The following GPN3 variants were observed in gnomAD, a reference collection of about 807,000 sequenced individuals.
The protein encoded by GPN3 is GPN-loop GTPase 3, also known as ATP-binding domain 1 family member C.
Under a neutral mutation model 38.7 loss-of-function variants are expected in GPN3, and 31 were observed. That is an observed-to-expected ratio of 0.80 (90% CI 0.60 to 1.08). The LOEUF (loss-of-function observed/expected upper bound fraction) is 1.08. Among genes scored for constraint, GPN3 ranks in the 50% least tolerant of loss-of-function variants. The pLI is 0.00. For missense variants in GPN3, 301 were observed against 354.4 expected, an observed-to-expected ratio of 0.85 and a Z score of 1.21; for synonymous variants, 116 against 120.2, an observed-to-expected ratio of 0.96 and a Z score of 0.23.
At chr12:110,455,357 ATC>A (rs2135514270) in intron 6 of GPN3, among the ~76,000 whole-genome samples, 1 of 151,996 alleles carries the variant, frequency 6.6e-6, no homozygotes, top group East Asian at 1.9e-4. Flanking sequence ...TGAACTCCTG[ATC>A]TCAAATGATC....
intron 2 of GPN3, chr12:110,460,865 G>A (rs1363491974): frequency 6.3e-6 from 4 of 632,030 alleles, no homozygotes; most frequent in African/African-American, 1.8e-5. Flanking sequence ...TCCGGAGGCT[G>A]AGGCAGGAGA....
chr12:110,457,519 C>T lies in GPN3; in HGVS notation c.441G>A (p.Glu147=). 1 of 1,453,804 alleles carries T rather than the reference C, an allele frequency of 6.9e-7. No homozygotes were observed. Among genetic ancestry groups the T allele is most frequent in the Non-Finnish European group, 9.4e-7 (1 of 1,059,634 alleles). The allele number at this position is 1,453,804 out of a possible 1,614,324, so 90.1% of individuals were successfully genotyped here. A position where few individuals can be genotyped will look rare whatever the true frequency, so the allele number is the denominator to read the frequency against. Residue 147 remains glutamate, a synonymous_variant, in exon 4 of 8, where the codon GAG becomes GAA. Coordinates refer to ENST00000228827, the MANE Select transcript of GPN3 (RefSeq NM_016301.4). ...AGATTTAGCTTCAGACCTTGAATGA[C>T]TCCACCATGAACTGAGAATCAACAA... The part of the protein sequence containing the change: ...VFLVDSQFMV[E]SFKFISGILA...
rs1181189783 is a variant in GPN3, at chr12:110,458,509, T to C, written c.326-875A>G. ...GAAAATTCACAATTTGGGCTGGAGG[T>C]GGTGGCTCACACCAGTAATCCCAGC... On this transcript the variant is annotated intron_variant, in intron 3 of 7. Coordinates refer to ENST00000228827, the MANE Select transcript of GPN3 (RefSeq NM_016301.4). The surrounding 1 kb of genome is among the most constrained non-coding windows in gnomAD (Gnocchi z 4.4). Among the ~76,000 whole-genome samples the C allele has an allele frequency of 6.6e-6, 1 of 151,422 alleles. No individual in the cohort carries two copies. Among genetic ancestry groups the C allele is most frequent in the Non-Finnish European group, 1.5e-5 (1 of 67,844 alleles).
Position 110,458,128 on chromosome 12 carries a change from A to AG in GPN3, c.326-495_326-494insC, listed in dbSNP as rs900229544. 1.3e-5 allele frequency among the ~76,000 whole-genome samples: 2 copies of AG among 152,008 alleles called. No individual in the cohort carries two copies. The highest frequency in any genetic ancestry group is 2.4e-5 in the African/African-American group (1 of 41,364). On this transcript the variant is annotated intron_variant, in intron 3 of 7. Transcript: ENST00000228827. The surrounding 1 kb of genome is among the most constrained non-coding windows in gnomAD (Gnocchi z 4.4). ...AAGACTCTGTCTTTAAAAATAAAAA[A>AG]AAAGAAAGAAAGAAAGAAAATGAGG...
intron 1 of GPN3, among the ~76,000 whole-genome samples, chr12:110,467,442 G>A (rs2062640623): frequency 6.6e-6 from 1 of 152,046 alleles, no homozygotes; most frequent in Non-Finnish European, 1.5e-5. Flanking sequence ...CGTGAAATTA[G>A]ACATAAAATT....
intron 1 of GPN3, among the ~76,000 whole-genome samples, chr12:110,467,014 A>T (rs1303887888): frequency 1.2e-4 from 18 of 149,958 alleles, no homozygotes; most frequent in Non-Finnish European, 1.9e-4. Context: ...TTTTTTTGCG[A>T]CAGTACCTCT....
chr12:110,457,293 A>G (rs1047572765), intron 4 of GPN3, among the ~76,000 whole-genome samples: 1 of 151,518 alleles, frequency 6.6e-6, no homozygotes, highest in Non-Finnish European at 1.5e-5. Flanking sequence ...TCTCTACTAA[A>G]AATACAAAAA....
chr12:110,467,557 C>A (rs907928691), intron 1 of GPN3, among the ~76,000 whole-genome samples: 28 of 152,190 alleles, frequency 1.8e-4, no homozygotes, highest in African/African-American at 6.5e-4. Flanking sequence ...TAAAGAAGTG[C>A]TGAAGATACA....
chr12:110,468,356 A>C, upstream of GPN3: 2 of 1,531,068 alleles, frequency 1.3e-6, no homozygotes, highest in South Asian at 1.2e-5. Flanking sequence ...CCGCGGGCCA[A>C]ATCCCGTGAG....
At chr12:110,467,676 C>T (rs2062643663) in intron 1 of GPN3, among the ~76,000 whole-genome samples, 1 of 146,858 alleles carries the variant, frequency 6.8e-6, no homozygotes, top group African/African-American at 2.7e-5. Context: ...AATGTGGGGT[C>T]CATGTACCAC....
chr12:110,468,671 G>C, upstream of GPN3: 1 of 1,536,338 alleles, frequency 6.5e-7, no homozygotes, highest in Non-Finnish European at 8.7e-7. Flanking sequence ...TGCTTCCACA[G>C]AGAGGTGCAA....
Position 110,452,945 on chromosome 12 carries a change from G to A in GPN3, c.*89C>T. ...GTTTTACTTTTTTTCATTAAAATAA[G>A]TAGCTTTCTACTATTGCATCCTTTG... On this transcript the variant is annotated 3_prime_UTR_variant, in exon 8 of 8. Coordinates refer to ENST00000228827, the MANE Select transcript of GPN3 (RefSeq NM_016301.4). The A allele has an allele frequency of 1.3e-6, 1 of 758,884 alleles. No individual in the cohort carries two copies. Among genetic ancestry groups the A allele is most frequent in the Non-Finnish European group, 2.4e-6 (1 of 411,284 alleles). The allele number at this position is 758,884 out of a possible 1,614,324, so 47.0% of individuals were successfully genotyped here. A position where few individuals can be genotyped will look rare whatever the true frequency, so the allele number is the denominator to read the frequency against.
chr12:110,459,232 T>C (rs2062570121), intron 3 of GPN3, among the ~76,000 whole-genome samples: 2 of 145,296 alleles, frequency 1.4e-5, no homozygotes, highest in African/African-American at 2.7e-5. Flanking sequence ...ATAGATATAC[T>C]TTTTTTTGTT....
intron 1 of GPN3, 138 bp downstream of exon 1, chr12:110,468,018 G>T: frequency 8.4e-7 from 1 of 1,186,762 alleles, no homozygotes; most frequent in Non-Finnish European, 1.3e-6. Flanking sequence ...AAAAGAACGT[G>T]AAGCCAGACA....
chr12:110,468,408 T>C (rs2062653073), upstream of GPN3: 11 of 1,531,780 alleles, frequency 7.2e-6, no homozygotes, highest in Non-Finnish European at 9.6e-6. Context: ...AGGGAGAGGA[T>C]TTGCGCGTGC....
In GPN3 at chr12:110,458,109, C is replaced by T. The variant is rs1331243355; in HGVS notation, c.326-475G>A. 6.6e-6 allele frequency among the ~76,000 whole-genome samples: 1 copy of T among 151,864 alleles called. No homozygotes were observed. The highest frequency in any genetic ancestry group is 1.5e-5 in the Non-Finnish European group (1 of 67,978). On this transcript the variant is annotated intron_variant, in intron 3 of 7. Transcript: ENST00000228827. The surrounding 1 kb of genome is among the most constrained non-coding windows in gnomAD (Gnocchi z 4.4). ...CCAGCCTGGGCGACAGAGTAAGACTCTGTCTTTAAAAATAAAAAAAAAGAA... is the reference window on the plus strand; with the variant it reads ...CCAGCCTGGGCGACAGAGTAAGACTTTGTCTTTAAAAATAAAAAAAAAGAA...
chr12:110,468,237 A>T lies in GPN3; in HGVS notation c.-34T>A, dbSNP rs759723339. 3.1e-6 allele frequency: 5 copies of T among 1,606,780 alleles called. No homozygotes were observed. The South Asian group carries it at 4.4e-5, about 14-fold the overall frequency. ...CCGGAGCCGCCCGCCACACTCCCTT[A>T]GCCTTCGCGCGACGCCCACTGAGCT... On this transcript the variant is annotated 5_prime_UTR_variant, in exon 1 of 8. Transcript: ENST00000228827.
At chr12:110,464,278 C>T (rs1300334082) in intron 2 of GPN3, among the ~76,000 whole-genome samples, 1 of 152,084 alleles carries the variant, frequency 6.6e-6, no homozygotes, top group Non-Finnish European at 1.5e-5. Context: ...CTAAAGCAAC[C>T]TCAATGAGTA....
chr12:110,466,621 G>A (rs542316952), intron 1 of GPN3, among the ~76,000 whole-genome samples: 11 of 151,768 alleles, frequency 7.2e-5, no homozygotes, highest in African/African-American at 1.7e-4. Context: ...TTAGCCCCCC[G>A]AGTAGGTGGG....
Sources: allele counts gnomAD v4.1 joint callset (sites outside exome capture counted in the v4.1 genomes callset), GRCh38; gene constraint gnomAD v4.1.1; non-coding constraint Gnocchi (gnomAD v3.1); transcripts MANE v1.5; gene names NCBI Gene and HGNC (gene_info 2026-07-23, HGNC 2026-07-21).